Variants in CHD7 observed in about 807,000 individuals in gnomAD.
CHD7 encodes ATP-dependent chromatin remodeler CHD7.
CHD7 carries 24 observed loss-of-function variants against 307.3 expected under a neutral mutation model. That is an observed-to-expected ratio of 0.08 (90% CI 0.06 to 0.11). The LOEUF is 0.11. Ranked by LOEUF, CHD7 falls within the 10% of genes least tolerant of loss-of-function variation. The pLI is 1.00. For missense variants in CHD7, 3,106 were observed against 3,727.1 expected, an observed-to-expected ratio of 0.83 and a Z score of 4.34; for synonymous variants, 1,363 against 1,349.9, an observed-to-expected ratio of 1.01 and a Z score of -0.21.
chr8:60,718,370 G>A (rs1807720634), intron 1 of CHD7, among the ~76,000 whole-genome samples: 1 of 152,072 alleles, frequency 6.6e-6, no homozygotes, highest in South Asian at 2.1e-4. Flanking sequence ...AGATACTCGG[G>A]AGGCTGAGGC....
intron 1 of CHD7, among the ~76,000 whole-genome samples, chr8:60,710,234 CTTT>C (rs35355868): frequency 4.2e-5 from 6 of 141,936 alleles, no homozygotes; most frequent in Non-Finnish European, 3.1e-5. Flanking sequence ...GAAATGAAAA[CTTT>C]TTTTTTTTTT....
intron 1 of CHD7, among the ~76,000 whole-genome samples, chr8:60,704,272 C>T (rs191452165): frequency 9.3e-4 from 142 of 152,140 alleles, no homozygotes; most frequent in South Asian, 1.7e-3. Context: ...GATGCAGGGG[C>T]GAACACAGTT....
intron 7 of CHD7, among the ~76,000 whole-genome samples, chr8:60,811,741 T>C (rs1426327508): frequency 2.0e-5 from 3 of 152,230 alleles, no homozygotes; most frequent in Non-Finnish European, 4.4e-5. Flanking sequence ...GTATGTATTT[T>C]TAAGAGATAT....
chr8:60,795,273 C>T lies in CHD7; in HGVS notation c.2238+146C>T, dbSNP rs544543234. On this transcript the variant is annotated intron_variant, in intron 4 of 37. Coordinates refer to ENST00000423902, the MANE Select transcript of CHD7 (RefSeq NM_017780.4). ...GTAGTCTGGAACATTATCTCCATAGCGATGTAGGGAGGGGGAGCGGGCGTG... is the reference window on the plus strand; with the variant it reads ...GTAGTCTGGAACATTATCTCCATAGTGATGTAGGGAGGGGGAGCGGGCGTG... 45 of 760,800 alleles carry T rather than the reference C, an allele frequency of 5.9e-5. No individual in the cohort carries two copies. In the East Asian group the frequency reaches 1.1e-3, roughly 18 times the overall value. 47.1% of individuals were successfully genotyped at this position (760,800 alleles called of 1,614,324 possible). A position where few individuals can be genotyped will look rare whatever the true frequency, so the allele number is the denominator to read the frequency against.
At position 60,742,477 on chromosome 8, in the gene CHD7, A is replaced by G. The variant is rs1809093275; in HGVS notation, c.1045A>G (p.Asn349Asp). Reference protein sequence around the residue: ...PMNQSVPRYPNAVGFPSNSGQ... With the variant: ...PMNQSVPRYPDAVGFPSNSGQ... ...GAATCAGTCCGTACCAAGATACCCC[A>G]ATGCTGTAGGATTCCCATCAAACAG... Residue 349 changes from asparagine to aspartate, a missense_variant, in exon 2 of 38, where the codon AAT becomes GAT. Transcript: ENST00000423902. The G allele has an allele frequency of 6.2e-7, 1 of 1,613,984 alleles. No homozygotes were observed. The highest frequency in any genetic ancestry group is 8.5e-7 in the Non-Finnish European group (1 of 1,179,886).
In CHD7 at chr8:60,845,313, C is replaced by T. The variant is rs373986410; in HGVS notation, c.5114C>T (p.Pro1705Leu). 9.9e-6 allele frequency: 16 copies of T among 1,613,822 alleles called. No homozygotes were observed. Among genetic ancestry groups the T allele is most frequent in the Admixed American group, 3.3e-5 (2 of 59,994 alleles). ...AAGGTGAAAGCCCAGAGCACACAGC[C>T]GGTGGTGCAGGATGCCGACTGGCTG... Reference protein sequence around the residue: ...GKKVKAQSTQPVVQDADWLAS... With the variant: ...GKKVKAQSTQLVVQDADWLAS... The change falls in exon 23 of 38, where the codon CCG becomes CTG. Residue 1705 changes from proline to leucine, a missense_variant. By Grantham distance (98) the Pro-to-Leu change is moderately conservative (BLOSUM62 -3). This residue lies in a region of CHD7 where 1,030 missense variants were observed against 1,165.4 expected (regional missense o/e 0.88). Coordinates refer to ENST00000423902, the MANE Select transcript of CHD7 (RefSeq NM_017780.4).
At chr8:60,816,784 T>C (rs1206231296) in intron 8 of CHD7, among the ~76,000 whole-genome samples, 2 of 152,190 alleles carry the variant, frequency 1.3e-5, no homozygotes, top group Non-Finnish European at 2.9e-5. Context: ...ATGATGAAAT[T>C]AAGTAAGTGG....
chr8:60,750,930 A>G (rs1809611563), intron 2 of CHD7, among the ~76,000 whole-genome samples: 1 of 152,224 alleles, frequency 6.6e-6, no homozygotes, highest in Admixed American at 6.5e-5. Flanking sequence ...AGGTTAAGGA[A>G]GTAGTAGCGG....
At chr8:60,769,346 T>C (rs1003780057) in intron 2 of CHD7, among the ~76,000 whole-genome samples, 1 of 152,240 alleles carries the variant, frequency 6.6e-6, no homozygotes, top group Non-Finnish European at 1.5e-5. Context: ...GTAAAAGGTC[T>C]GTGACTCAGC....
chr8:60,861,231 G>A, intron 35 of CHD7, 106 bp downstream of exon 35: 6 of 823,084 alleles, frequency 7.3e-6, no homozygotes, highest in Non-Finnish European at 5.6e-6. Context: ...CCTTTTCCTT[G>A]AATGTTTCCT....
intron 35 of CHD7, chr8:60,861,442 T>C (rs1309478697): frequency 3.8e-6 from 1 of 264,714 alleles, no homozygotes; most frequent in African/African-American, 2.2e-5. Context: ...AGTCTTAGTA[T>C]TGGGGTAACA....
rs1485856297 is a variant in CHD7, at chr8:60,781,392, AACTGCCAC to A, written c.2059_2066del (p.Thr687AlafsTer11). 6.5e-7 allele frequency: 1 copy of A among 1,536,254 alleles called. No individual in the cohort carries two copies. Among genetic ancestry groups the A allele is most frequent in the Non-Finnish European group, 8.7e-7 (1 of 1,150,682 alleles). ...AAGAGCCAAAGGAAAAGAAAGCAAA[AACTGCCAC>A]GCCAAAACCCAAATCCAGCAAAAAG... On this transcript the variant is annotated frameshift_variant, in exon 3 of 38. Transcript: ENST00000423902. LOFTEE classifies it high-confidence loss of function.
At chr8:60,735,873 A>G (rs1052728812) in intron 1 of CHD7, among the ~76,000 whole-genome samples, 2 of 152,236 alleles carry the variant, frequency 1.3e-5, no homozygotes, top group Admixed American at 6.5e-5. Flanking sequence ...CACCAACCAC[A>G]TGTGGCTTTT....
intron 1 of CHD7, among the ~76,000 whole-genome samples, chr8:60,725,418 T>G (rs998000623): frequency 3.9e-5 from 6 of 151,976 alleles, no homozygotes; most frequent in African/African-American, 1.5e-4. Flanking sequence ...TAGCAGAGAG[T>G]TGAATTTTTA....
intron 7 of CHD7, among the ~76,000 whole-genome samples, chr8:60,814,035 G>C (rs1256212917): frequency 2.6e-5 from 4 of 152,028 alleles, no homozygotes; most frequent in Non-Finnish European, 5.9e-5. Flanking sequence ...TTTCTTATTA[G>C]CTTCATAATA....
intron 5 of CHD7, 56 bp downstream of exon 5, chr8:60,800,581 T>A: frequency 3.4e-6 from 3 of 880,584 alleles, no homozygotes; most frequent in Non-Finnish European, 3.3e-6. Context: ...ACTAGAAATT[T>A]CATTGCTGCA....
chr8:60,795,314 CT>C (rs1311563976), intron 4 of CHD7, among the ~76,000 whole-genome samples, 187 bp downstream of exon 4: 1 of 152,156 alleles, frequency 6.6e-6, no homozygotes, highest in Admixed American at 6.5e-5. Context: ...AGAAATTATA[CT>C]CCTGACAAGA....
At chr8:60,745,333 C>G (rs1164054786) in intron 2 of CHD7, among the ~76,000 whole-genome samples, 1 of 152,196 alleles carries the variant, frequency 6.6e-6, no homozygotes, top group South Asian at 2.1e-4. Context: ...TGATTATAAT[C>G]TGATCCCTGG....
chr8:60,848,419 C>A, intron 23 of CHD7, 96 bp from the exon 24 acceptor site: 2 of 781,936 alleles, frequency 2.6e-6, no homozygotes, highest in Non-Finnish European at 4.3e-6. Context: ...TCAGCCTTGG[C>A]AGGATGATGG....
Sources: allele counts gnomAD v4.1 joint callset (sites outside exome capture counted in the v4.1 genomes callset), GRCh38; gene constraint gnomAD v4.1.1; regional missense constraint gnomAD v4.1.1; transcripts MANE v1.5; gene names NCBI Gene and HGNC (gene_info 2026-07-23, HGNC 2026-07-21).